The following MALRD1 variants were observed in gnomAD, a reference collection of about 807,000 sequenced individuals.
MALRD1 encodes MAM and LDL-receptor class A domain-containing protein 1.
In MALRD1, 247 loss-of-function variants were observed where a neutral mutation model predicts 242.1. The observed-to-expected ratio is 1.02, with a 90% confidence interval of 0.92 to 1.13. The LOEUF (loss-of-function observed/expected upper bound fraction) is 1.13, where lower values mean the gene tolerates loss of function less well. Among genes scored for constraint, MALRD1 ranks in the 50% most tolerant of loss-of-function variants. The probability of loss-of-function intolerance (pLI) is 0.00; values close to 1 mark genes in which losing one functional copy is unlikely to be tolerated. For missense variants in MALRD1, 2,989 were observed against 2,533.1 expected (o/e 1.18, Z -3.86); for synonymous variants, 995 against 866.6 (o/e 1.15, Z -2.60).
intron 38 of MALRD1, among the ~76,000 whole-genome samples, chr10:19,692,859 AGATGAAAT>A (rs1833153935): frequency 1.1e-5 from 1 of 94,012 alleles, no homozygotes; most frequent in South Asian, 3.7e-4. Context: ...ATTTATATAT[AGATGAAAT>A]TATATATATA....
At chr10:19,145,446 C>T (rs970518656) in intron 10 of MALRD1, among the ~76,000 whole-genome samples, 7 of 151,998 alleles carry the variant, frequency 4.6e-5, no homozygotes, top group African/African-American at 1.7e-4. Context: ...GAGTTCGAGA[C>T]CAGCCTGGCC....
At chr10:19,132,819 G>A (rs933758629) in intron 8 of MALRD1, among the ~76,000 whole-genome samples, 2 of 152,110 alleles carry the variant, frequency 1.3e-5, no homozygotes, top group African/African-American at 4.8e-5. Context: ...GAATTTGAAT[G>A]TCTAATAAAA....
chr10:19,501,377 C>A (rs1041846574), intron 31 of MALRD1, among the ~76,000 whole-genome samples: 1 of 152,144 alleles, frequency 6.6e-6, no homozygotes, highest in Non-Finnish European at 1.5e-5. Context: ...GAAATTGCCC[C>A]TGTTGAGAAC....
chr10:19,713,804 T>A (rs1417224973), intron 38 of MALRD1, among the ~76,000 whole-genome samples: 1 of 152,220 alleles, frequency 6.6e-6, no homozygotes, highest in Non-Finnish European at 1.5e-5. Flanking sequence ...GTCAGTCTGG[T>A]TCTGGAGTTA....
In MALRD1 at chr10:19,105,647, A is replaced by G. The variant is rs186407269; in HGVS notation, c.694+1572A>G. ...AGTGTACTAATCTACATTTCTACCA[A>G]CAGTATATAAGTATTCCCATTTATC... On this transcript the variant is annotated intron_variant, in intron 5 of 39. Coordinates refer to ENST00000454679, the MANE Select transcript of MALRD1 (RefSeq NM_001142308.3). Among the ~76,000 whole-genome samples the G allele has an allele frequency of 2.4e-3, 361 of 152,102 alleles. 1 individual carries two copies. The highest frequency in any genetic ancestry group is 0.016 in the South Asian group (78 of 4,824).
At chr10:19,377,310 G>T (rs1845649640) in intron 26 of MALRD1, among the ~76,000 whole-genome samples, 1 of 152,014 alleles carries the variant, frequency 6.6e-6, no homozygotes, top group African/African-American at 2.4e-5. Context: ...TATATATTAA[G>T]TAAAAAATAA....
intron 34 of MALRD1, among the ~76,000 whole-genome samples, chr10:19,599,321 A>G (rs1475383144): frequency 2.6e-5 from 4 of 152,102 alleles, no homozygotes; most frequent in Non-Finnish European, 2.9e-5. Flanking sequence ...GTTTAGATAA[A>G]CCTGTGAGTT....
rs1470680732 is a variant in MALRD1 at position 19,530,330 on chromosome 10, T to C, written c.5321-864T>C. On this transcript the variant is annotated intron_variant, in intron 31 of 39. Transcript: ENST00000454679. ...GTTGAAATGTTGAAATTTATATAAATATATAATATTTATATAAATATATAA... is the reference window on the plus strand; with the variant it reads ...GTTGAAATGTTGAAATTTATATAAACATATAATATTTATATAAATATATAA... 1.4e-4 allele frequency among the ~76,000 whole-genome samples: 7 copies of C among 50,080 alleles called. No individual in the cohort carries two copies. In the Admixed American group the frequency reaches 1.8e-3, roughly 13 times the overall value. The allele number at this position is 50,080 out of a possible 152,430, so 32.9% of individuals were successfully genotyped here.
intron 29 of MALRD1, among the ~76,000 whole-genome samples, chr10:19,461,036 C>A (rs3904886): frequency 0.76 from 115,293 of 152,048 alleles, 43,961 homozygotes; most frequent in East Asian, 1. Flanking sequence ...TCCACTGATC[C>A]GTTGCATACA....
At chr10:19,589,796 A>T (rs1837665233) in intron 33 of MALRD1, among the ~76,000 whole-genome samples, 1 of 151,974 alleles carries the variant, frequency 6.6e-6, no homozygotes, top group Non-Finnish European at 1.5e-5. Flanking sequence ...ATCCTTTCTG[A>T]TGGTACTCTT....
chr10:19,172,087 ATG>A (rs1455277073), intron 13 of MALRD1, among the ~76,000 whole-genome samples: 1 of 139,620 alleles, frequency 7.2e-6, no homozygotes, highest in Admixed American at 7.5e-5. Flanking sequence ...TATATCACAT[ATG>A]TGTATATGTA....
chr10:19,551,077 C>T (rs7100724), intron 32 of MALRD1, among the ~76,000 whole-genome samples: 130,140 of 152,116 alleles, frequency 0.86, 55,694 homozygotes, highest in East Asian at 0.89. Flanking sequence ...GATTGAGCTT[C>T]TTTTTCATAT....
rs1034704939 is a variant in MALRD1, at chr10:19,288,073, T to A, written c.3419+4892T>A. Among the ~76,000 whole-genome samples the A allele has an allele frequency of 3.1e-4, 47 of 151,114 alleles. 2 individuals carry two copies. The highest frequency in any genetic ancestry group is 5.9e-5 in the Non-Finnish European group (4 of 67,766). On this transcript the variant is annotated intron_variant, in intron 21 of 39. Transcript: ENST00000454679. ...ATCTTTCAAGGCCGTGTCTTTTTTTTATTAGTTTTAATTATTTTTCTTTTT... is the reference window on the plus strand; with the variant it reads ...ATCTTTCAAGGCCGTGTCTTTTTTTAATTAGTTTTAATTATTTTTCTTTTT...
chr10:19,486,679 A>G (rs1029383949), intron 29 of MALRD1, among the ~76,000 whole-genome samples: 1 of 152,168 alleles, frequency 6.6e-6, no homozygotes, highest in Non-Finnish European at 1.5e-5. Flanking sequence ...GGAATCTCAG[A>G]GCATATTGAA....
At chr10:19,581,376 C>G (rs1284283316) in intron 33 of MALRD1, among the ~76,000 whole-genome samples, 9 of 127,740 alleles carry the variant, frequency 7.0e-5, no homozygotes, top group African/African-American at 2.3e-4. Context: ...CCCCTCCCCC[C>G]ACCCCACAAC....
chr10:19,576,964 GTT>G (rs11331552), intron 33 of MALRD1, among the ~76,000 whole-genome samples: 8,780 of 123,496 alleles, frequency 0.071, 183 homozygotes, highest in African/African-American at 0.1. Flanking sequence ...CCACATTGTC[GTT>G]TTTTTTTTTT....
intron 33 of MALRD1, among the ~76,000 whole-genome samples, chr10:19,586,842 G>A (rs567660649): frequency 1.5e-3 from 230 of 152,342 alleles, no homozygotes; most frequent in Non-Finnish European, 2.4e-3. Context: ...CCGCCTTGCA[G>A]TTTGATCTCA....
chr10:19,653,138 G>T (rs1417989777), intron 36 of MALRD1, among the ~76,000 whole-genome samples: 1 of 152,070 alleles, frequency 6.6e-6, no homozygotes, highest in East Asian at 1.9e-4. Context: ...TTTCATCCCT[G>T]AGCAGCTGGA....
At chr10:19,126,711 A>T (rs930045743) in intron 7 of MALRD1, among the ~76,000 whole-genome samples, 3 of 149,886 alleles carry the variant, frequency 2.0e-5, no homozygotes, top group African/African-American at 4.9e-5. Flanking sequence ...ATTATTTTTT[A>T]TTTTTTTTTA....
Sources: allele counts gnomAD v4.1 joint callset (sites outside exome capture counted in the v4.1 genomes callset), GRCh38; gene constraint gnomAD v4.1.1; transcripts MANE v1.5; gene names NCBI Gene and HGNC (gene_info 2026-07-23, HGNC 2026-07-21).